The following NTN1 variants were observed in gnomAD, a reference collection of about 807,000 sequenced individuals.
NTN1 encodes netrin 1, also known as netrin-1.
Under a neutral mutation model 54.2 loss-of-function variants are expected in NTN1, and 11 were observed. The observed-to-expected ratio is 0.20, with a 90% CI of 0.13 to 0.34. The LOEUF (loss-of-function observed/expected upper bound fraction) is 0.34. Ranked by LOEUF, NTN1 falls within the 10% of genes least tolerant of loss-of-function variation. The pLI, the probability that NTN1 is intolerant of heterozygous loss-of-function variation, is 1.00. For synonymous variants in NTN1, 371 were observed against 382.0 expected, an observed-to-expected ratio of 0.97 and a Z score of 0.33; for missense variants, 740 against 893.1, an observed-to-expected ratio of 0.83 and a Z score of 2.18.
At chr17:9,024,501 A>G (rs2151507294) in intron 2 of NTN1, among the ~76,000 whole-genome samples, 1 of 152,302 alleles carries the variant, frequency 6.6e-6, no homozygotes, top group Middle Eastern at 3.4e-3. Context: ...AGGCTCTTCA[A>G]TTGCTTTGCC....
chr17:9,122,570 G>A (rs1199641841), intron 2 of NTN1, among the ~76,000 whole-genome samples: 3 of 152,202 alleles, frequency 2.0e-5, no homozygotes, highest in East Asian at 1.9e-4. Context: ...GTTAGGCATC[G>A]CCCAGCCCCT....
chr17:9,185,638 G>T (rs943756169), intron 5 of NTN1, among the ~76,000 whole-genome samples: 6 of 152,074 alleles, frequency 3.9e-5, no homozygotes, highest in African/African-American at 1.4e-4. Flanking sequence ...GGAAAGGAGA[G>T]AGGGACCACC....
Position 9,114,166 on chromosome 17 carries a change from A to AAAAAT in NTN1, c.1019-48646_1019-48645insAAATA, listed in dbSNP as rs1555569108. Among the ~76,000 whole-genome samples, 22 of 74,616 alleles carry AAAAAT rather than the reference A, an allele frequency of 2.9e-4. 1 individual carries two copies. The highest frequency in any genetic ancestry group is 1.2e-3 in the African/African-American group (20 of 17,174). The allele number at this position is 74,616 out of a possible 152,430, so 49.0% of individuals were successfully genotyped here. Reference sequence around the variant, plus strand: ...GCCAAAAAAAAAGAAAAAAAAAAAAAATATATATATATATATATATGATTC... The same window carrying AAAAAT: ...GCCAAAAAAAAAGAAAAAAAAAAAAAAAAATATATATATATATATATATATGATTC... On this transcript the variant is annotated intron_variant, in intron 2 of 6. Transcript: ENST00000173229.
chr17:9,083,780 G>A (rs1216482099), intron 2 of NTN1, among the ~76,000 whole-genome samples: 1 of 152,182 alleles, frequency 6.6e-6, no homozygotes, highest in Admixed American at 6.5e-5. Context: ...GAATGAACCC[G>A]GTTCTACCTC....
At chr17:9,017,672 C>T (rs2091834708), upstream of NTN1, among the ~76,000 whole-genome samples, 1 of 152,324 alleles carries the variant, frequency 6.6e-6, no homozygotes, top group East Asian at 1.9e-4. Flanking sequence ...TGGTGATTTG[C>T]TTTCTCACCC....
chr17:9,173,607 T>C (rs1168233805), intron 3 of NTN1: 1 of 152,336 alleles, frequency 6.6e-6, no homozygotes. Flanking sequence ...TCTTTGTGGA[T>C]GGCGTCCACC....
chr17:9,234,844 T>C (rs1346820729), intron 6 of NTN1, among the ~76,000 whole-genome samples: 1 of 152,190 alleles, frequency 6.6e-6, no homozygotes, highest in Admixed American at 6.5e-5. Flanking sequence ...AACATCTGCC[T>C]CATTGACTTC....
chr17:9,208,875 CA>C (rs1905031598), intron 5 of NTN1, among the ~76,000 whole-genome samples: 1 of 152,220 alleles, frequency 6.6e-6, no homozygotes, highest in African/African-American at 2.4e-5. Context: ...CCCACCACAC[CA>C]ACCCATTTTC....
rs114097366 is a variant in NTN1, at chr17:9,162,566, A to C, written c.1019-247A>C. On this transcript the variant is annotated intron_variant, in intron 2 of 6. Transcript: ENST00000173229. ...TCCAAATATGGTCACATTCTGAGGT[A>C]CTGGGGGTCACGGCTTCAACATAAG... is the stretch of plus-strand genomic sequence containing the variant. Among the ~76,000 whole-genome samples, 543 of 152,312 alleles carry C rather than the reference A, an allele frequency of 3.6e-3. 1 individual carries two copies. The highest frequency in any genetic ancestry group is 0.013 in the African/African-American group (524 of 41,578).
At chr17:9,021,147 C>G (rs544030124), upstream of NTN1, among the ~76,000 whole-genome samples, 8 of 152,120 alleles carry the variant, frequency 5.3e-5, no homozygotes, top group African/African-American at 1.4e-4. Context: ...TGGCCCCCTT[C>G]CCCCGCCCGC....
chr17:9,084,159 G>A (rs1009384293), intron 2 of NTN1, among the ~76,000 whole-genome samples: 10 of 152,234 alleles, frequency 6.6e-5, no homozygotes, highest in Non-Finnish European at 1.3e-4. Flanking sequence ...CCAGGCTGGA[G>A]TGCAGTGGCT....
In NTN1 at chr17:9,135,738, C is replaced by G. The variant is rs1219538832; in HGVS notation, c.1019-27075C>G. The stretch of plus-strand genomic sequence containing the variant: ...GCTCCCTGGAGTAGGCCTGGTGGGG[C>G]ACTTGTCCTTAGAGCCCTTTCCTGG... On this transcript the variant is annotated intron_variant, in intron 2 of 6. Transcript: ENST00000173229. This position sits in a 1 kb window ranked among gnomAD's most constrained non-coding sequence, Gnocchi z 4.4. 6.6e-6 allele frequency among the ~76,000 whole-genome samples: 1 copy of G among 152,176 alleles called. No individual in the cohort carries two copies. Among genetic ancestry groups the G allele is most frequent in the Non-Finnish European group, 1.5e-5 (1 of 68,040 alleles).
chr17:9,205,904 A>T (rs1437450085), intron 5 of NTN1, among the ~76,000 whole-genome samples: 1 of 152,230 alleles, frequency 6.6e-6, no homozygotes, highest in African/African-American at 2.4e-5. Flanking sequence ...TACTCGGGAC[A>T]TTGGGTGGAA....
intron 2 of NTN1, among the ~76,000 whole-genome samples, chr17:9,125,751 G>A (rs985503496): frequency 2.6e-5 from 4 of 152,106 alleles, no homozygotes; most frequent in African/African-American, 4.8e-5. Context: ...GATTACAGGC[G>A]TGAGCCACCA....
At chr17:9,030,732 A>G (rs1029738157) in intron 2 of NTN1, among the ~76,000 whole-genome samples, 4 of 152,048 alleles carry the variant, frequency 2.6e-5, no homozygotes, top group Non-Finnish European at 5.9e-5. Context: ...GTGACAGAGC[A>G]AGACTCAGAA....
chr17:9,051,282 C>T (rs745355146), intron 2 of NTN1, among the ~76,000 whole-genome samples: 1 of 152,224 alleles, frequency 6.6e-6, no homozygotes, highest in Non-Finnish European at 1.5e-5. Context: ...CCTTGGAGCT[C>T]GCAGACAGGC....
At chr17:9,224,926 C>T (rs986953966) in intron 6 of NTN1, among the ~76,000 whole-genome samples, 1 of 152,186 alleles carries the variant, frequency 6.6e-6, no homozygotes, top group Admixed American at 6.5e-5. Flanking sequence ...CTGACACTCT[C>T]CCTGTGATTC....
chr17:9,239,505 A>C lies in NTN1; in HGVS notation c.1487-135A>C, dbSNP rs1419441048. 3 of 777,046 alleles carry C rather than the reference A, an allele frequency of 3.9e-6. No homozygotes were observed. The African/African-American group carries it at 5.2e-5, about 14-fold the overall frequency. The allele number at this position is 777,046 out of a possible 1,614,324, so 48.1% of individuals were successfully genotyped here. A position where few individuals can be genotyped will look rare whatever the true frequency, so the allele number is the denominator to read the frequency against. On this transcript the variant is annotated intron_variant, in intron 6 of 6. Transcript: ENST00000173229. This position sits in a 1 kb window ranked among gnomAD's most constrained non-coding sequence, Gnocchi z 5.2. ...GTCTACGATCAGCTTGCCACCACCC[A>C]CGCGCTCCTGTATGGGCCACTCTGT...
At chr17:9,152,837 T>C (rs2092331438) in intron 2 of NTN1, among the ~76,000 whole-genome samples, 1 of 152,190 alleles carries the variant, frequency 6.6e-6, no homozygotes, top group Non-Finnish European at 1.5e-5. Context: ...CCAAGTGGGC[T>C]TTCCAGGTCA....
Sources: gnomAD v4.1 joint callset for allele counts (sites outside exome capture counted in the v4.1 genomes callset) on GRCh38, gnomAD v4.1.1 for gene constraint, Gnocchi (gnomAD v3.1) non-coding constraint, MANE v1.5 for transcripts, NCBI Gene and HGNC (gene_info 2026-07-23, HGNC 2026-07-21) for gene names.